The following PSMA8 variants were observed in gnomAD, a reference collection of about 807,000 sequenced individuals.
PSMA8 encodes the protein proteasome 20S subunit alpha 8, also known as proteasome subunit alpha-type 8.
PSMA8 carries 18 observed loss-of-function variants against 32.4 expected under a neutral mutation model. The ratio of observed to expected loss-of-function variants is 0.56; its 90% CI spans 0.38 to 0.82. PSMA8 has a LOEUF of 0.82. Ranked by LOEUF, PSMA8 falls within the 40% of genes least tolerant of loss-of-function variation. PSMA8 has a pLI of 0.00. For synonymous variants in PSMA8, 104 were observed against 98.1 expected (o/e 1.06, Z -0.36); for missense variants, 298 against 300.7 (o/e 0.99, Z 0.07).
intron 6 of PSMA8, among the ~76,000 whole-genome samples, chr18:26,192,108 C>T (rs1364648769): frequency 1.3e-5 from 2 of 152,102 alleles, no homozygotes; most frequent in East Asian, 3.8e-4. Context: ...TTTTTTAGCA[C>T]AGTGATAGTA....
At chr18:26,140,899 T>A (rs1568053365) in intron 1 of PSMA8, among the ~76,000 whole-genome samples, 1 of 152,208 alleles carries the variant, frequency 6.6e-6, no homozygotes, top group Non-Finnish European at 1.5e-5. Flanking sequence ...GAAACAGAGT[T>A]TTTTGTCTTT....
At position 26,171,151 on chromosome 18, in the gene PSMA8, C is replaced by T. The variant is rs1372333672; in HGVS notation, c.478-7679C>T. The T allele has an allele frequency of 5.1e-5, 79 of 1,559,130 alleles. 7 individuals are homozygous for T. Among genetic ancestry groups the T allele is most frequent in the Non-Finnish European group, 6.5e-5 (76 of 1,170,230 alleles). On this transcript the variant is annotated intron_variant, in intron 4 of 6. Transcript: ENST00000415576. ...CCCATAATCACCAGATTCTGTTTAC[C>T]TTCTACTGAAGAGGTTGTGGTCATT...
chr18:26,182,607 CCTG>C (rs1189295431), intron 6 of PSMA8, among the ~76,000 whole-genome samples: 2 of 152,204 alleles, frequency 1.3e-5, no homozygotes, highest in African/African-American at 4.8e-5. Context: ...TGTTTTCGTG[CCTG>C]CTAACACATC....
intron 1 of PSMA8, among the ~76,000 whole-genome samples, chr18:26,143,166 A>G (rs1304247598): frequency 6.6e-6 from 1 of 152,168 alleles, no homozygotes; most frequent in Non-Finnish European, 1.5e-5. Context: ...TATAACATTG[A>G]TGAGAAAAAA....
chr18:26,134,494 A>G (rs2054895097), intron 1 of PSMA8, among the ~76,000 whole-genome samples: 1 of 152,138 alleles, frequency 6.6e-6, no homozygotes, highest in Non-Finnish European at 1.5e-5. Flanking sequence ...AGACCCCTGG[A>G]AAAGTTAACA....
intron 1 of PSMA8, among the ~76,000 whole-genome samples, chr18:26,139,066 C>G (rs1690545409): frequency 6.6e-6 from 1 of 152,124 alleles, no homozygotes; most frequent in African/African-American, 2.4e-5. Context: ...TAACCTTCCT[C>G]CCTTGGATGT....
chr18:26,189,959 T>C (rs2055388195), intron 6 of PSMA8, among the ~76,000 whole-genome samples: 2 of 152,312 alleles, frequency 1.3e-5, no homozygotes, highest in South Asian at 2.1e-4. Context: ...AGTACTGTTC[T>C]GCCCCCAAAA....
chr18:26,159,015 A>AG (rs2055114031), intron 4 of PSMA8, among the ~76,000 whole-genome samples: 1 of 152,112 alleles, frequency 6.6e-6, no homozygotes, highest in South Asian at 2.1e-4. Context: ...CCCGCAAAAA[A>AG]CACTGCTACA....
At chr18:26,146,950 C>G (rs897222757) in intron 2 of PSMA8, among the ~76,000 whole-genome samples, 1 of 151,914 alleles carries the variant, frequency 6.6e-6, no homozygotes, top group Non-Finnish European at 1.5e-5. Flanking sequence ...TGGTAGAAGG[C>G]AAAGGGGGAG....
chr18:26,146,280 C>A (rs2055002892), intron 2 of PSMA8, among the ~76,000 whole-genome samples: 1 of 151,170 alleles, frequency 6.6e-6, no homozygotes, highest in Non-Finnish European at 1.5e-5. Flanking sequence ...TGTAATTGCA[C>A]CTACTCAGGA....
rs184165844 is a variant in PSMA8, at chr18:26,186,940, C to G, written c.661-5379C>G. ...GATTAAACTGCCCTGGAGAAGGATA[C>G]TTGTCTCCCTAGCCTAGGAAGTTAG... On this transcript the variant is annotated intron_variant, in intron 6 of 6. Transcript: ENST00000415576. 5.1e-3 allele frequency among the ~76,000 whole-genome samples: 784 copies of G among 152,354 alleles called. 5 individuals carry two copies. Among genetic ancestry groups the G allele is most frequent in the African/African-American group, 0.018 (739 of 41,594 alleles).
At chr18:26,135,194 A>C (rs369094510) in intron 1 of PSMA8, among the ~76,000 whole-genome samples, 13 of 152,346 alleles carry the variant, frequency 8.5e-5, no homozygotes, top group African/African-American at 3.1e-4. Context: ...TGATTTATAA[A>C]AATTAAAGAG....
intron 4 of PSMA8, among the ~76,000 whole-genome samples, chr18:26,166,733 G>A (rs1412514258): frequency 1.3e-5 from 2 of 152,096 alleles, no homozygotes; most frequent in Non-Finnish European, 2.9e-5. Context: ...TTGGAGATTT[G>A]GCAGGACATA....
At chr18:26,150,779 T>C (rs2055039781) in intron 2 of PSMA8, among the ~76,000 whole-genome samples, 1 of 152,236 alleles carries the variant, frequency 6.6e-6, no homozygotes, top group South Asian at 2.1e-4. Context: ...ATGTTACTTT[T>C]GTTTCCTCAG....
At chr18:26,145,624 A>G (rs1161702338) in intron 2 of PSMA8, among the ~76,000 whole-genome samples, 1 of 152,208 alleles carries the variant, frequency 6.6e-6, no homozygotes, top group Non-Finnish European at 1.5e-5. Flanking sequence ...TATAATATAT[A>G]ACCCTTTCAG....
At chr18:26,177,952 G>A (rs896649780) in intron 4 of PSMA8, among the ~76,000 whole-genome samples, 2 of 152,150 alleles carry the variant, frequency 1.3e-5, no homozygotes, top group African/African-American at 4.8e-5. Flanking sequence ...AGTGGCTCAT[G>A]CCTGTAATCT....
intron 4 of PSMA8, among the ~76,000 whole-genome samples, 153 bp downstream of exon 4, chr18:26,158,397 T>A (rs2055108258): frequency 6.6e-6 from 1 of 152,250 alleles, no homozygotes; most frequent in African/African-American, 2.4e-5. Flanking sequence ...TACAATGATT[T>A]TGGTTGGATA....
rs146837855 is a variant in PSMA8, at chr18:26,185,833, G to A, written c.661-6486G>A. ...TACAGAGTTTTAATTTGTGGATCTT[G>A]AATAACTTATTTGTTTTCATTTTTA... On this transcript the variant is annotated intron_variant, in intron 6 of 6. Transcript: ENST00000415576. Among the ~76,000 whole-genome samples, 201 of 150,796 alleles carry A rather than the reference G, an allele frequency of 1.3e-3. 9 individuals carry two copies. The highest frequency in any genetic ancestry group is 3.6e-3 in the African/African-American group (149 of 40,928).
chr18:26,159,905 T>G (rs1198180169), intron 4 of PSMA8, among the ~76,000 whole-genome samples: 1 of 151,938 alleles, frequency 6.6e-6, no homozygotes, highest in Non-Finnish European at 1.5e-5. Flanking sequence ...ACGCAGCTTT[T>G]AAAAAAAATC....
Sources: gnomAD v4.1 joint callset for allele counts (sites outside exome capture counted in the v4.1 genomes callset) on GRCh38, gnomAD v4.1.1 for gene constraint, MANE v1.5 for transcripts, NCBI Gene and HGNC (gene_info 2026-07-23, HGNC 2026-07-21) for gene names.